Variants in DIP2A observed in about 807,000 individuals in gnomAD.
DIP2A encodes the protein disco-interacting protein 2 homolog A.
A neutral mutation model predicts 177.4 loss-of-function variants in DIP2A; 85 were observed. The ratio of observed to expected loss-of-function variants is 0.48; its 90% CI spans 0.40 to 0.57. The LOEUF (loss-of-function observed/expected upper bound fraction) is 0.57. Among genes scored for constraint, DIP2A ranks in the 20% least tolerant of loss-of-function variants. The probability of loss-of-function intolerance (pLI) is 0.00; values close to 1 mark genes in which losing one functional copy is unlikely to be tolerated. For missense variants in DIP2A, 1,791 were observed against 2,100.2 expected (o/e 0.85, Z 2.88); for synonymous variants, 886 against 881.8 (o/e 1.00, Z -0.08).
At chr21:46,565,334 ACTCTGTAAGAACC>A (rs1347908981) in intron 35 of DIP2A, among the ~76,000 whole-genome samples, 7 of 151,984 alleles carry the variant, frequency 4.6e-5, no homozygotes, top group Admixed American at 4.6e-4. Context: ...CACGCTCTCC[ACTCTGTAAGAACC>A]CTCATTCCTT....
intron 8 of DIP2A, among the ~76,000 whole-genome samples, chr21:46,526,063 C>CTG (rs2059073386): frequency 2.6e-5 from 4 of 151,798 alleles, no homozygotes; most frequent in Non-Finnish European, 4.4e-5. Context: ...CGCCTGCCAC[C>CTG]ACACCCGGCT....
intron 8 of DIP2A, among the ~76,000 whole-genome samples, chr21:46,520,243 A>G (rs1461650437): frequency 6.6e-6 from 1 of 152,192 alleles, no homozygotes; most frequent in African/African-American, 2.4e-5. Context: ...AAAGCTGTAA[A>G]TAGCTCAAAA....
the DIP2A span, among the ~76,000 whole-genome samples, chr21:46,578,334 C>T: frequency 3.3e-5 from 5 of 149,316 alleles, no homozygotes; most frequent in South Asian, 2.1e-4. Context: ...ACAAAAACAA[C>T]GACAACAAAA....
Position 46,459,158 on chromosome 21 carries a change from G to C in DIP2A, c.27G>C (p.Glu9Asp), listed in dbSNP as rs962412539. The C allele has an allele frequency of 6.1e-5, 93 of 1,519,344 alleles. No homozygotes were observed. The highest frequency in any genetic ancestry group is 8.0e-5 in the Non-Finnish European group (91 of 1,134,504). The allele number at this position is 1,519,344 out of a possible 1,614,324, so 94.1% of individuals were successfully genotyped here. A position where few individuals can be genotyped will look rare whatever the true frequency, so the allele number is the denominator to read the frequency against. The change falls in exon 1 of 38, where the codon GAG (glutamate) becomes GAC (aspartate). Residue 9 changes from glutamate (E) to aspartate (D), a missense_variant. Coordinates refer to ENST00000417564, the MANE Select transcript of DIP2A (RefSeq NM_015151.4). Reference protein sequence around the residue: MADRGCPLEAAPLPAEVRE... With the variant: MADRGCPLDAAPLPAEVRE... ...TGGCTGACCGCGGGTGCCCGCTGGA[G>C]GCGGCGCCGCTGCCTGCCGAGGTGC...
intron 1 of DIP2A, among the ~76,000 whole-genome samples, chr21:46,471,945 C>T (rs753091871): frequency 2.3e-4 from 35 of 152,232 alleles, no homozygotes; most frequent in Non-Finnish European, 3.5e-4. Context: ...AGCTTTTACA[C>T]TCTTTCAGAT....
At chr21:46,459,570 C>T (rs1404094825) in intron 1 of DIP2A, among the ~76,000 whole-genome samples, 1 of 147,010 alleles carries the variant, frequency 6.8e-6, no homozygotes, top group Non-Finnish European at 1.5e-5. Flanking sequence ...CGGAACCCCG[C>T]GCGGCCCCTC....
chr21:46,548,972 A>G (rs1324828235), intron 21 of DIP2A, among the ~76,000 whole-genome samples: 1 of 152,260 alleles, frequency 6.6e-6, no homozygotes, highest in Non-Finnish European at 1.5e-5. Context: ...AATAAAAAAT[A>G]TTTTTAAGCA....
chr21:46,549,987 C>T (rs937123445), intron 22 of DIP2A, 102 bp downstream of exon 22: 3 of 1,556,612 alleles, frequency 1.9e-6, no homozygotes, highest in Non-Finnish European at 2.6e-6. Context: ...CCGGTCCTCC[C>T]TGGCTCCAGC....
At chr21:46,583,177 T>A in the DIP2A span, among the ~76,000 whole-genome samples, 74 of 152,264 alleles carry the variant, frequency 4.9e-4, no homozygotes, top group Middle Eastern at 3.4e-3. Flanking sequence ...GAAGGGTCAA[T>A]CTATCAGGAA....
At chr21:46,558,068 C>T (rs1181556720) in intron 31 of DIP2A, among the ~76,000 whole-genome samples, 155 bp from the exon 32 acceptor site, 2 of 152,212 alleles carry the variant, frequency 1.3e-5, no homozygotes, top group African/African-American at 2.4e-5. Flanking sequence ...CGCATCCACA[C>T]GTAGGATTCT....
At chr21:46,550,884 T>C in intron 23 of DIP2A, 140 bp downstream of exon 23, 1 of 887,022 alleles carries the variant, frequency 1.1e-6, no homozygotes, top group South Asian at 1.6e-5. Flanking sequence ...AGAGCGAGTG[T>C]GCACCCCAGA....
At position 46,549,739 on chromosome 21, in the gene DIP2A, C is replaced by T. The variant is rs374581749; in HGVS notation, c.2523-32C>T. On this transcript the variant is annotated intron_variant, in intron 21 of 37. Transcript: ENST00000417564. ...CATCTGTGTCTTGTTTGGCCTCTTG[C>T]CGTGTGGCCATTTCCATGTCTCATC... 15 of 1,610,634 alleles carry T rather than the reference C, an allele frequency of 9.3e-6. No individual in the cohort carries two copies. The African/African-American group carries it at 2.0e-4, about 22-fold the overall frequency.
In DIP2A at chr21:46,554,890, T is replaced by C. The variant is rs1335609684; in HGVS notation, c.3345T>C (p.Ala1115=). The stretch of plus-strand genomic sequence containing the variant: ...GGCTGCTCAGGTCCAAGGAGGCTGC[T>C]GCTGCCGTGGACATCAGGACCTGGC... ...VTRLLRSKEA[A]AAVDIRTWPT... The change falls in exon 28 of 38, where the codon GCT becomes GCC. Residue 1115 remains alanine, a synonymous_variant. Transcript: ENST00000417564. 16 of 1,551,296 alleles carry C rather than the reference T, an allele frequency of 1.0e-5. No individual in the cohort carries two copies. The highest frequency in any genetic ancestry group is 1.4e-5 in the Non-Finnish European group (16 of 1,147,952).
chr21:46,530,651 A>C (rs974362763), intron 9 of DIP2A, among the ~76,000 whole-genome samples: 6 of 152,340 alleles, frequency 3.9e-5, no homozygotes, highest in Non-Finnish European at 8.8e-5. Context: ...ACTGGAGTCG[A>C]GAAAGAGAAA....
chr21:46,534,214 T>G, intron 12 of DIP2A, 101 bp downstream of exon 12: 1 of 974,418 alleles, frequency 1.0e-6, no homozygotes, highest in Non-Finnish European at 1.6e-6. Context: ...TTGTTAAGTT[T>G]CGGCCTAAGA....
rs1355292731 is a variant in DIP2A at position 46,554,571 on chromosome 21, A to G, written c.3155-4A>G. The G allele has an allele frequency of 1.2e-6, 2 of 1,611,322 alleles. No individual in the cohort carries two copies. The highest frequency in any genetic ancestry group is 8.5e-7 in the Non-Finnish European group (1 of 1,178,982). ...CTCCTCACAGCCAGTCCTTGTCTCCACAGGGGTGGACCTCATTGCCGCGTT... is the reference window on the plus strand; with the variant it reads ...CTCCTCACAGCCAGTCCTTGTCTCCGCAGGGGTGGACCTCATTGCCGCGTT... On this transcript the variant is annotated splice_polypyrimidine_tract_variant and splice_region_variant and intron_variant, in intron 26 of 37. Coordinates refer to ENST00000417564, the MANE Select transcript of DIP2A (RefSeq NM_015151.4).
chr21:46,509,862 A>G (rs2058218008), intron 7 of DIP2A, among the ~76,000 whole-genome samples: 1 of 152,102 alleles, frequency 6.6e-6, no homozygotes, highest in Non-Finnish European at 1.5e-5. Flanking sequence ...CGTTAGGGCC[A>G]CAGGGGCCCC....
chr21:46,582,307 C>T, the DIP2A span, among the ~76,000 whole-genome samples: 5 of 152,246 alleles, frequency 3.3e-5, no homozygotes, highest in African/African-American at 7.2e-5. Flanking sequence ...CAGAGGAAAA[C>T]GGCAGACTGG....
chr21:46,482,187 G>A (rs1162506070), intron 1 of DIP2A, among the ~76,000 whole-genome samples: 1 of 152,202 alleles, frequency 6.6e-6, no homozygotes, highest in African/African-American at 2.4e-5. Context: ...AATGAAAGAG[G>A]CCAATCTCTA....
Sources: allele counts gnomAD v4.1 joint callset (sites outside exome capture counted in the v4.1 genomes callset), GRCh38; gene constraint gnomAD v4.1.1; transcripts MANE v1.5; gene names NCBI Gene and HGNC (gene_info 2026-07-23, HGNC 2026-07-21).